BAZ1B: variants seen among roughly 807,000 people sequenced by gnomAD.
The protein encoded by BAZ1B is bromodomain adjacent to zinc finger domain 1B.
BAZ1B carries 22 observed loss-of-function variants against 153.8 expected under a neutral mutation model. The observed-to-expected ratio is 0.14, with a 90% confidence interval of 0.10 to 0.20. The LOEUF (loss-of-function observed/expected upper bound fraction) is 0.20, where lower values mean the gene tolerates loss of function less well. Ranked by LOEUF, BAZ1B falls within the 10% of genes least tolerant of loss-of-function variation. The probability of loss-of-function intolerance (pLI) is 1.00; values close to 1 mark genes in which losing one functional copy is unlikely to be tolerated. For synonymous variants in BAZ1B, 676 were observed against 633.4 expected, an observed-to-expected ratio of 1.07 and a Z score of -1.01; for missense variants, 1,325 against 1,799.3, an observed-to-expected ratio of 0.74 and a Z score of 4.77.
At chr7:73,449,434 G>A in intron 15 of BAZ1B, 108 bp downstream of exon 15, 1 of 1,328,244 alleles carries the variant, frequency 7.5e-7, no homozygotes, top group Non-Finnish European at 1.0e-6. Flanking sequence ...GTACCCAAAA[G>A]ATGAACTTAA....
At chr7:73,465,617 T>G (rs781904539) in intron 10 of BAZ1B, 80 bp from the exon 11 acceptor site, 1 of 870,138 alleles carries the variant, frequency 1.1e-6, no homozygotes, top group African/African-American at 1.7e-5. Flanking sequence ...GGATCTAGAG[T>G]TGGTGGTGGG....
chr7:73,472,680 G>A (rs536184485), intron 7 of BAZ1B, among the ~76,000 whole-genome samples: 3 of 152,218 alleles, frequency 2.0e-5, no homozygotes, highest in East Asian at 1.9e-4. Flanking sequence ...AGGTTCAAGC[G>A]ATTCTCCTGC....
chr7:73,473,752 C>G (rs1158364144), intron 7 of BAZ1B, among the ~76,000 whole-genome samples: 1 of 152,148 alleles, frequency 6.6e-6, no homozygotes, highest in Non-Finnish European at 1.5e-5. Context: ...CTTTAGGAGG[C>G]TGAAGCAGGA....
intron 1 of BAZ1B, among the ~76,000 whole-genome samples, chr7:73,518,470 G>A (rs73134970): frequency 0.044 from 6,667 of 152,080 alleles, 178 homozygotes; most frequent in Non-Finnish European, 0.066. Flanking sequence ...CAACGTAAGA[G>A]CTCAGTATTC....
intron 3 of BAZ1B, among the ~76,000 whole-genome samples, chr7:73,503,065 T>G (rs1790199607): frequency 6.6e-6 from 1 of 152,188 alleles, no homozygotes; most frequent in Non-Finnish European, 1.5e-5. Flanking sequence ...ACAATTCTAT[T>G]AATATACTTA....
At chr7:73,518,369 C>T (rs1178510211) in intron 1 of BAZ1B, among the ~76,000 whole-genome samples, 4 of 151,552 alleles carry the variant, frequency 2.6e-5, no homozygotes, top group Non-Finnish European at 5.9e-5. Flanking sequence ...GCCTAGATCG[C>T]GCCACTGCAC....
At chr7:73,480,312 T>G (rs1789153611) in intron 6 of BAZ1B, among the ~76,000 whole-genome samples, 1 of 152,140 alleles carries the variant, frequency 6.6e-6, no homozygotes, top group Admixed American at 6.6e-5. Context: ...ATACCTCCCA[T>G]GCCTCATCTC....
Position 73,492,780 on chromosome 7 carries a change from A to G in BAZ1B, c.693+20T>C. The G allele has an allele frequency of 6.3e-7, 1 of 1,578,732 alleles. No individual in the cohort carries two copies. The stretch of plus-strand genomic sequence containing the variant: ...CTTAAAGAACATCTATCACATGTAA[A>G]AAGTAAAGTGTCAACTAACCTTATC... On this transcript the variant is annotated intron_variant, in intron 5 of 19. Coordinates refer to ENST00000339594, the MANE Select transcript of BAZ1B (RefSeq NM_032408.4).
chr7:73,484,552 G>A (rs1554574220), intron 6 of BAZ1B, among the ~76,000 whole-genome samples: 1 of 152,070 alleles, frequency 6.6e-6, no homozygotes, highest in Non-Finnish European at 1.5e-5. Flanking sequence ...GCTAAGGTAG[G>A]CGGATTGCTT....
intron 6 of BAZ1B, among the ~76,000 whole-genome samples, chr7:73,487,487 T>C (rs1554574629): frequency 1.3e-5 from 2 of 152,178 alleles, no homozygotes; most frequent in Non-Finnish European, 2.9e-5. Context: ...AAAAATATTT[T>C]ACCCATAAAA....
At chr7:73,462,750 A>C (rs1788437298) in intron 12 of BAZ1B, 172 bp downstream of exon 12, 1 of 686,290 alleles carries the variant, frequency 1.5e-6, no homozygotes, top group East Asian at 2.8e-5. Context: ...AAAGATAACA[A>C]GGAAAAAATA....
chr7:73,460,528 C>T (rs1554570218), intron 12 of BAZ1B, among the ~76,000 whole-genome samples: 1 of 152,092 alleles, frequency 6.6e-6, no homozygotes, highest in East Asian at 1.9e-4. Context: ...CTCACTGGGT[C>T]ACCCAGGCAG....
At chr7:73,442,652 C>T in intron 18 of BAZ1B, 73 bp downstream of exon 18, 3 of 1,561,520 alleles carry the variant, frequency 1.9e-6, no homozygotes, top group Admixed American at 1.9e-5. Flanking sequence ...CTGAGAGCCC[C>T]TCAGGGGCTC....
At chr7:73,476,087 T>C (rs927306331) in intron 7 of BAZ1B, among the ~76,000 whole-genome samples, 2 of 152,088 alleles carry the variant, frequency 1.3e-5, no homozygotes, top group Admixed American at 6.5e-5. Context: ...ACAATTCCAT[T>C]TAGAGAAAAT....
Position 73,442,219 on chromosome 7 carries a change from T to C in BAZ1B, c.4429A>G (p.Arg1477Gly). ...CTCTACTTCTTCTGTCTTCGTCCCC[T>C]GGACTGTCCAACGGCCTCTGGCTCA... ...DSEPEAVGQSRGRRQKK is the reference protein window; with the variant it reads ...DSEPEAVGQSGGRRQKK The change falls in exon 19 of 20, where the codon AGG becomes GGG. Residue 1477 changes from arginine to glycine, a missense_variant. Transcript: ENST00000339594. 1 of 1,348,560 alleles carries C rather than the reference T, an allele frequency of 7.4e-7. No homozygotes were observed. The highest frequency in any genetic ancestry group is 9.8e-7 in the Non-Finnish European group (1 of 1,019,762). 83.5% of individuals were successfully genotyped at this position (1,348,560 alleles called of 1,614,324 possible). A position where few individuals can be genotyped will look rare whatever the true frequency, so the allele number is the denominator to read the frequency against.
At chr7:73,458,007 T>G (rs535026533) in intron 13 of BAZ1B, among the ~76,000 whole-genome samples, 8 of 152,324 alleles carry the variant, frequency 5.3e-5, no homozygotes, top group Admixed American at 1.3e-4. Context: ...TTAACCTAAG[T>G]AAAATGCTTT....
intron 7 of BAZ1B, 83 bp from the exon 8 acceptor site, chr7:73,470,566 G>C: frequency 2.0e-6 from 3 of 1,504,316 alleles, no homozygotes; most frequent in Non-Finnish European, 2.7e-6. Flanking sequence ...GGAGTAAAAA[G>C]TGCCTAGTAT....
rs1276335370 is a variant in BAZ1B, at chr7:73,449,701, T to C, written c.3581-12A>G. On this transcript the variant is annotated splice_polypyrimidine_tract_variant and intron_variant, in intron 14 of 19. Coordinates refer to ENST00000339594, the MANE Select transcript of BAZ1B (RefSeq NM_032408.4). ...TTTGTCATCCTCACCTGCAGAGAGA[T>C]AAATGTGAATAGCATTGTTGGGAGC... 1 of 1,613,070 alleles carries C rather than the reference T, an allele frequency of 6.2e-7. No individual in the cohort carries two copies. Among genetic ancestry groups the C allele is most frequent in the Non-Finnish European group, 8.5e-7 (1 of 1,179,674 alleles).
intron 15 of BAZ1B, among the ~76,000 whole-genome samples, chr7:73,448,042 C>T (rs377470355): frequency 2.6e-5 from 4 of 152,180 alleles, no homozygotes; most frequent in South Asian, 4.1e-4. Flanking sequence ...CCGTGGCTCA[C>T]GCCTGTAATC....
Sources: allele counts gnomAD v4.1 joint callset (sites outside exome capture counted in the v4.1 genomes callset), GRCh38; gene constraint gnomAD v4.1.1; transcripts MANE v1.5; gene names NCBI Gene and HGNC (gene_info 2026-07-23, HGNC 2026-07-21).